Variants in RARB observed in about 807,000 individuals in gnomAD.
RARB encodes the protein retinoic acid receptor beta.
In RARB, 17 loss-of-function variants were observed where a neutral mutation model predicts 51.9. The observed-to-expected ratio is 0.33, with a 90% CI of 0.22 to 0.49. RARB has a LOEUF of 0.49. Ranked by LOEUF, RARB falls within the 20% of genes least tolerant of loss-of-function variation. The pLI, the probability that RARB is intolerant of heterozygous loss-of-function variation, is 0.99. For missense variants in RARB, 369 were observed against 550.8 expected (o/e 0.67, Z 3.30); for synonymous variants, 215 against 195.4 (o/e 1.10, Z -0.84).
At chr3:25,045,502 T>G (rs1034269696) in intron 2 of RARB, among the ~76,000 whole-genome samples, 7 of 152,240 alleles carry the variant, frequency 4.6e-5, no homozygotes, top group Admixed American at 2.6e-4. Context: ...GTGTCCTGTT[T>G]CTGTGTGTTC....
chr3:25,222,255 C>T (rs368714393), intron 5 of RARB, among the ~76,000 whole-genome samples: 6 of 152,268 alleles, frequency 3.9e-5, no homozygotes, highest in African/African-American at 1.4e-4. Context: ...GCCCTATCTC[C>T]TTCTTACTAT....
intron 3 of RARB, among the ~76,000 whole-genome samples, chr3:25,566,046 G>A (rs530689328): frequency 1.3e-5 from 2 of 152,282 alleles, no homozygotes; most frequent in South Asian, 4.2e-4. Context: ...CACTGACCAC[G>A]AGGCCTCAAA....
At position 25,319,043 on chromosome 3, in the gene RARB, A is replaced by G. The variant is rs113502654; in HGVS notation, c.179-142150A>G. Among the ~76,000 whole-genome samples, 656 of 152,324 alleles carry G rather than the reference A, an allele frequency of 4.3e-3. 2 individuals carry two copies. Among genetic ancestry groups the G allele is most frequent in the African/African-American group, 0.015 (616 of 41,572 alleles). On this transcript the variant is annotated intron_variant, in intron 5 of 11. Coordinates refer to the RARB transcript ENST00000383772. ...ATTTAGCTGTTAATGCTTATTAACT[A>G]TAATATTAAAGATGATTTTCAATAA... is the stretch of plus-strand genomic sequence containing the variant.
intron 2 of RARB, among the ~76,000 whole-genome samples, chr3:24,861,838 AG>A (rs201756453): frequency 0.046 from 7,042 of 152,264 alleles, 296 homozygotes; most frequent in East Asian, 0.22. Flanking sequence ...TTACTAGCAA[AG>A]TAGCTTTGAC....
chr3:24,869,674 C>T (rs540477210), intron 2 of RARB, among the ~76,000 whole-genome samples: 6 of 152,146 alleles, frequency 3.9e-5, no homozygotes, highest in South Asian at 2.1e-4. Flanking sequence ...ACAGACATAG[C>T]GTAGCACATT....
intron 5 of RARB, among the ~76,000 whole-genome samples, chr3:25,303,930 A>G (rs1704097882): frequency 6.6e-6 from 1 of 152,188 alleles, no homozygotes; most frequent in African/African-American, 2.4e-5. Flanking sequence ...TGGCCAGATC[A>G]TATCCAATAT....
chr3:25,501,045 T>A, intron 2 of RARB, 137 bp from the exon 3 acceptor site: 3 of 1,014,180 alleles, frequency 3.0e-6, no homozygotes, highest in Non-Finnish European at 2.7e-6. Flanking sequence ...GATTTTAAGG[T>A]TTATGTAAGT....
At chr3:25,227,369 A>T (rs1702077533) in intron 5 of RARB, among the ~76,000 whole-genome samples, 1 of 152,228 alleles carries the variant, frequency 6.6e-6, no homozygotes, top group Non-Finnish European at 1.5e-5. Context: ...AAAGCACTAC[A>T]GAAATTTCAT....
chr3:25,251,929 G>C (rs1251312238), intron 5 of RARB, among the ~76,000 whole-genome samples: 1 of 151,926 alleles, frequency 6.6e-6, no homozygotes, highest in Non-Finnish European at 1.5e-5. Context: ...GGAAATCATT[G>C]CCTAACCAAA....
intron 2 of RARB, among the ~76,000 whole-genome samples, chr3:24,950,787 A>G (rs1695874387): frequency 6.6e-6 from 1 of 152,168 alleles, no homozygotes; most frequent in Non-Finnish European, 1.5e-5. Context: ...GCTTGAACAC[A>G]CCAACTAATA....
At chr3:25,515,428 A>G (rs1461861779) in intron 3 of RARB, among the ~76,000 whole-genome samples, 3 of 152,216 alleles carry the variant, frequency 2.0e-5, no homozygotes, top group African/African-American at 7.2e-5. Flanking sequence ...GAACATACTC[A>G]ATAGAAATGA....
At chr3:25,311,351 T>C (rs1704283522) in intron 5 of RARB, among the ~76,000 whole-genome samples, 1 of 152,214 alleles carries the variant, frequency 6.6e-6, no homozygotes, top group Admixed American at 6.5e-5. Flanking sequence ...AGTCCGCTGA[T>C]AGGAATTTTA....
At chr3:25,041,202 C>T (rs1156519941) in intron 2 of RARB, among the ~76,000 whole-genome samples, 2 of 152,162 alleles carry the variant, frequency 1.3e-5, no homozygotes, top group African/African-American at 4.8e-5. Context: ...CTATTACTTA[C>T]TGTTTCCAAG....
At chr3:24,959,807 G>A (rs1055841629) in intron 2 of RARB, among the ~76,000 whole-genome samples, 1 of 152,216 alleles carries the variant, frequency 6.6e-6, no homozygotes, top group African/African-American at 2.4e-5. Flanking sequence ...GAATGAGGCA[G>A]GAAGGAGAAG....
rs923054163 is a variant in RARB at position 25,597,424 on chromosome 3, T to A, written c.*808T>A. 10 of 152,536 alleles carry A rather than the reference T, an allele frequency of 6.6e-5. No homozygotes were observed. The East Asian group carries it at 7.7e-4, about 12-fold the overall frequency. The allele number at this position is 152,536 out of a possible 1,614,324, so 9.4% of individuals were successfully genotyped here. The stretch of plus-strand genomic sequence containing the variant: ...TAACTACACAGTTAGTTAAAAAAAA[T>A]TTTTTTACAGTAATGATAGCCTCCA... On this transcript the variant is annotated 3_prime_UTR_variant, in exon 8 of 8. Coordinates refer to ENST00000330688, the MANE Select transcript of RARB (RefSeq NM_000965.5).
chr3:24,993,205 T>C (rs1032838761), intron 2 of RARB, among the ~76,000 whole-genome samples: 2 of 152,186 alleles, frequency 1.3e-5, no homozygotes, highest in Non-Finnish European at 2.9e-5. Flanking sequence ...ATGCTAAAAA[T>C]ATTCTCAACT....
Position 25,313,206 on chromosome 3 carries a change from G to A in RARB, c.178+138631G>A, listed in dbSNP as rs190705079. 5.2e-4 allele frequency among the ~76,000 whole-genome samples: 79 copies of A among 152,232 alleles called. 1 individual carries two copies. Among genetic ancestry groups the A allele is most frequent in the East Asian group, 1.2e-3 (6 of 5,186 alleles). On this transcript the variant is annotated intron_variant, in intron 5 of 11. Coordinates refer to the RARB transcript ENST00000383772. The stretch of plus-strand genomic sequence containing the variant: ...CCCTCTTATGGGAATAGGAAGACCC[G>A]CTTGTTTTTTCTCTAGGGTGAGTGA...
intron 3 of RARB, among the ~76,000 whole-genome samples, chr3:25,112,359 G>A (rs955197932): frequency 1.3e-5 from 2 of 152,068 alleles, no homozygotes; most frequent in African/African-American, 4.8e-5. Context: ...AGATTCTCAG[G>A]CAAGTTTCTC....
intron 3 of RARB, among the ~76,000 whole-genome samples, chr3:25,062,201 A>T (rs1698563439): frequency 6.6e-6 from 1 of 151,874 alleles, no homozygotes; most frequent in African/African-American, 2.4e-5. Context: ...GGATATTCTC[A>T]GAAGAAATAG....
Sources: gnomAD v4.1 joint callset for allele counts (sites outside exome capture counted in the v4.1 genomes callset) on GRCh38, gnomAD v4.1.1 for gene constraint, MANE v1.5 for transcripts, NCBI Gene and HGNC (gene_info 2026-07-23, HGNC 2026-07-21) for gene names.